Variants in ME1 observed in about 807,000 individuals in gnomAD.
ME1 encodes the protein malic enzyme 1, also known as NADP-dependent malic enzyme.
In ME1, 74 loss-of-function variants were observed where a neutral mutation model predicts 66.4. The observed-to-expected ratio is 1.11, with a 90% confidence interval of 0.92 to 1.35. The LOEUF (loss-of-function observed/expected upper bound fraction) is 1.35. Ranked by LOEUF, ME1 falls within the 40% of genes most tolerant of loss-of-function variation. The probability of loss-of-function intolerance (pLI) is 0.00; values close to 1 mark genes in which losing one functional copy is unlikely to be tolerated. For synonymous variants in ME1, 251 were observed against 235.6 expected (o/e 1.07, Z -0.60); for missense variants, 750 against 694.1 (o/e 1.08, Z -0.90).
intron 6 of ME1, among the ~76,000 whole-genome samples, chr6:83,267,464 A>C (rs1366808738): frequency 6.6e-6 from 1 of 152,196 alleles, no homozygotes; most frequent in African/African-American, 2.4e-5. Flanking sequence ...GATTAGTCAA[A>C]GAGGAAATAA....
At chr6:83,393,674 C>T (rs770550593) in intron 3 of ME1, among the ~76,000 whole-genome samples, 1 of 151,720 alleles carries the variant, frequency 6.6e-6, no homozygotes, top group Admixed American at 6.6e-5. Flanking sequence ...TCGTTTGATT[C>T]AAGCCCTTCT....
At chr6:83,317,225 G>A (rs1426591903) in intron 5 of ME1, among the ~76,000 whole-genome samples, 1 of 151,764 alleles carries the variant, frequency 6.6e-6, no homozygotes, top group Admixed American at 6.6e-5. Flanking sequence ...TTAAGTGTGT[G>A]GTTTTAATAA....
chr6:83,222,932 C>G (rs1280518673), intron 12 of ME1, among the ~76,000 whole-genome samples: 2 of 152,150 alleles, frequency 1.3e-5, no homozygotes, highest in African/African-American at 2.4e-5. Flanking sequence ...GCTCACTTCT[C>G]CTATTCTTTT....
intron 3 of ME1, among the ~76,000 whole-genome samples, chr6:83,372,750 C>A (rs1222072842): frequency 2.0e-5 from 3 of 152,090 alleles, no homozygotes; most frequent in Non-Finnish European, 4.4e-5. Context: ...TGAATTCAGA[C>A]AATGTAGAGT....
chr6:83,425,136 A>T (rs1770345061), intron 1 of ME1, among the ~76,000 whole-genome samples: 1 of 151,998 alleles, frequency 6.6e-6, no homozygotes, highest in Non-Finnish European at 1.5e-5. Context: ...CTACAGGTGC[A>T]CACCACCATG....
chr6:83,399,161 A>AC (rs1554162615), intron 2 of ME1, among the ~76,000 whole-genome samples: 4 of 149,550 alleles, frequency 2.7e-5, no homozygotes, highest in African/African-American at 9.8e-5. Context: ...AGCCCGGCTA[A>AC]TTTTTTTTGT....
intron 6 of ME1, among the ~76,000 whole-genome samples, chr6:83,263,819 AT>A (rs1562463366): frequency 8.6e-5 from 8 of 92,888 alleles, no homozygotes; most frequent in African/African-American, 3.1e-4. Flanking sequence ...ATAACATAAC[AT>A]AACATAACAT....
At chr6:83,327,198 A>C (rs951494777) in intron 5 of ME1, among the ~76,000 whole-genome samples, 1 of 152,178 alleles carries the variant, frequency 6.6e-6, no homozygotes, top group African/African-American at 2.4e-5. Context: ...TAATTGCGTT[A>C]ACTGCACAAA....
chr6:83,239,908 T>C (rs1190811964), intron 7 of ME1, among the ~76,000 whole-genome samples: 1 of 152,094 alleles, frequency 6.6e-6, no homozygotes, highest in Non-Finnish European at 1.5e-5. Context: ...AAGGATGGGA[T>C]CTGGATTCCT....
chr6:83,288,338 G>A lies in ME1; in HGVS notation c.704+26972C>T, dbSNP rs762131980. On this transcript the variant is annotated intron_variant, in intron 6 of 13. Transcript: ENST00000369705. ...TCTTGAGTTGATTTTTGTATAAGGCGTAAGGAAGGGGTCCAGTTTCAGTTT... is the reference window on the plus strand; with the variant it reads ...TCTTGAGTTGATTTTTGTATAAGGCATAAGGAAGGGGTCCAGTTTCAGTTT... 3.4e-4 allele frequency among the ~76,000 whole-genome samples: 51 copies of A among 152,212 alleles called. 1 individual carries two copies. Among genetic ancestry groups the A allele is most frequent in the African/African-American group, 7.5e-4 (31 of 41,532 alleles).
chr6:83,324,814 T>C (rs914849640), intron 5 of ME1, among the ~76,000 whole-genome samples: 16 of 151,432 alleles, frequency 1.1e-4, no homozygotes, highest in African/African-American at 3.9e-4. Context: ...CCATTCCTTC[T>C]GAAACTATTC....
rs186078215 is a variant in ME1 at position 83,315,336 on chromosome 6, G to A, written c.678C>T (p.Asp226=). 4.5e-5 allele frequency: 73 copies of A among 1,609,942 alleles called. 1 individual carries two copies. In the South Asian group the frequency reaches 6.6e-4, roughly 15 times the overall value. ...TGGAAGAAACTGCCTCCATGAATTC[G>A]TCCAAAAAATCATCATATTCAGAAC... ...VRGSEYDDFL[D]EFMEAVSSKY... Residue 226 remains aspartate (D), a synonymous_variant, in exon 6 of 14, where the codon GAC becomes GAT. Coordinates refer to ENST00000369705, the MANE Select transcript of ME1 (RefSeq NM_002395.6).
intron 6 of ME1, among the ~76,000 whole-genome samples, chr6:83,257,352 GA>G (rs1421560899): frequency 6.6e-6 from 1 of 151,792 alleles, no homozygotes; most frequent in Non-Finnish European, 1.5e-5. Flanking sequence ...AAAATGTAGG[GA>G]AATACAAGCA....
intron 5 of ME1, among the ~76,000 whole-genome samples, chr6:83,344,328 T>A (rs1768646562): frequency 6.6e-6 from 1 of 151,450 alleles, no homozygotes; most frequent in African/African-American, 2.4e-5. Flanking sequence ...CATTTTTGCA[T>A]GTCTGTTTTG....
At chr6:83,245,231 G>GA (rs948895987) in intron 7 of ME1, among the ~76,000 whole-genome samples, 1 of 151,912 alleles carries the variant, frequency 6.6e-6, no homozygotes, top group Non-Finnish European at 1.5e-5. Context: ...ATGGAGGGAA[G>GA]AAAATAGAAT....
chr6:83,294,884 C>G (rs1210398230), intron 6 of ME1, among the ~76,000 whole-genome samples: 1 of 152,204 alleles, frequency 6.6e-6, no homozygotes, highest in East Asian at 1.9e-4. Flanking sequence ...GTGAGAGACC[C>G]TCAGCCACAA....
intron 4 of ME1, among the ~76,000 whole-genome samples, chr6:83,349,015 AC>A (rs1768747804): frequency 8.1e-6 from 1 of 124,026 alleles, no homozygotes; most frequent in African/African-American, 3.1e-5. Context: ...AAAACAAAAA[AC>A]AGTGCATTCT....
At chr6:83,311,120 C>A (rs1318225008) in intron 6 of ME1, among the ~76,000 whole-genome samples, 1 of 152,122 alleles carries the variant, frequency 6.6e-6, no homozygotes, top group Non-Finnish European at 1.5e-5. Flanking sequence ...CCCTTAACTA[C>A]CATCTACCTC....
chr6:83,342,042 C>G (rs1768595206), intron 5 of ME1, among the ~76,000 whole-genome samples: 2 of 152,188 alleles, frequency 1.3e-5, no homozygotes, highest in Admixed American at 1.3e-4. Context: ...CTTTCCACAA[C>G]CAATCAGATG....
Sources: allele counts gnomAD v4.1 joint callset (sites outside exome capture counted in the v4.1 genomes callset), GRCh38; gene constraint gnomAD v4.1.1; transcripts MANE v1.5; gene names NCBI Gene and HGNC (gene_info 2026-07-23, HGNC 2026-07-21).